Variants in INPP5A observed in about 807,000 individuals in gnomAD.
INPP5A encodes inositol polyphosphate-5-phosphatase A, also known as 43 kDa inositol polyphosphate 5-phophatase.
Under a neutral mutation model 65.2 loss-of-function variants are expected in INPP5A, and 14 were observed. That is an observed-to-expected ratio of 0.21 (90% CI 0.14 to 0.34). The LOEUF (loss-of-function observed/expected upper bound fraction) is 0.34, where lower values mean the gene tolerates loss of function less well. INPP5A is among the 10% of genes least tolerant of loss of function. The probability of loss-of-function intolerance (pLI) is 1.00; values close to 1 mark genes in which losing one functional copy is unlikely to be tolerated. For missense variants in INPP5A, 431 were observed against 545.6 expected (o/e 0.79, Z 2.09); for synonymous variants, 207 against 208.3 (o/e 0.99, Z 0.05).
chr10:132,696,594 A>T (rs1363262624), intron 5 of INPP5A, among the ~76,000 whole-genome samples: 1 of 152,166 alleles, frequency 6.6e-6, no homozygotes, highest in Non-Finnish European at 1.5e-5. Context: ...TGTGATTCCA[A>T]CTCTGTGACA....
intron 4 of INPP5A, among the ~76,000 whole-genome samples, chr10:132,689,191 C>T (rs1284073338): frequency 5.3e-5 from 8 of 152,202 alleles, no homozygotes; most frequent in African/African-American, 1.9e-4. Context: ...GTGCTTTCAG[C>T]TGAGGACAGG....
At chr10:132,713,599 C>T (rs1197410470) in intron 8 of INPP5A, among the ~76,000 whole-genome samples, 7 of 152,142 alleles carry the variant, frequency 4.6e-5, no homozygotes, top group Admixed American at 2.6e-4. Context: ...CCGCCCCTGA[C>T]CTCCGTCTCC....
At chr10:132,571,817 C>A (rs1420770922) in intron 1 of INPP5A, among the ~76,000 whole-genome samples, 1 of 152,214 alleles carries the variant, frequency 6.6e-6, no homozygotes, top group African/African-American at 2.4e-5. Context: ...AGCGAGTGAG[C>A]AGCCAGTGTG....
chr10:132,732,763 G>A (rs1056889872), intron 9 of INPP5A, among the ~76,000 whole-genome samples: 5 of 152,148 alleles, frequency 3.3e-5, no homozygotes, highest in African/African-American at 9.7e-5. Flanking sequence ...GCACCTCCAC[G>A]TGGCCATGTC....
intron 11 of INPP5A, 30 bp downstream of exon 11, chr10:132,749,875 C>G: frequency 6.3e-7 from 1 of 1,596,756 alleles, no homozygotes; most frequent in Non-Finnish European, 8.6e-7. Context: ...TGGCAGCTCC[C>G]CCGTCCTGGG....
At chr10:132,684,601 T>C (rs1412693462) in intron 4 of INPP5A, among the ~76,000 whole-genome samples, 1 of 152,224 alleles carries the variant, frequency 6.6e-6, no homozygotes, top group Non-Finnish European at 1.5e-5. Flanking sequence ...CACTCATTAG[T>C]CACTGTGAGC....
At position 132,650,851 on chromosome 10, in the gene INPP5A, C is replaced by G. The variant is rs1464546566; in HGVS notation, c.306+346C>G. On this transcript the variant is annotated intron_variant, in intron 4 of 15. Transcript: ENST00000368594. The surrounding 1 kb of genome is among the most constrained non-coding windows in gnomAD (Gnocchi z 5.5). ...GGCGTGTAGATGAGAGGTTGGACAGCAGCCGGTATTGCTTCAAGAGCCACC... is the reference window on the plus strand; with the variant it reads ...GGCGTGTAGATGAGAGGTTGGACAGGAGCCGGTATTGCTTCAAGAGCCACC... 6.6e-6 allele frequency among the ~76,000 whole-genome samples: 1 copy of G among 151,878 alleles called. No homozygotes were observed. The highest frequency in any genetic ancestry group is 1.9e-4 in the East Asian group (1 of 5,168).
chr10:132,620,185 C>G (rs1265231771), intron 2 of INPP5A, among the ~76,000 whole-genome samples: 1 of 152,224 alleles, frequency 6.6e-6, no homozygotes, highest in African/African-American at 2.4e-5. Flanking sequence ...CTGCAAAGGT[C>G]TCTGAAATGC....
intron 2 of INPP5A, among the ~76,000 whole-genome samples, chr10:132,642,296 C>T (rs1394748105): frequency 2.0e-5 from 3 of 152,170 alleles, no homozygotes; most frequent in Admixed American, 6.5e-5. Flanking sequence ...GTGCAGTGTC[C>T]GGCGGGCTGG....
chr10:132,643,830 G>A (rs989390165), intron 2 of INPP5A, among the ~76,000 whole-genome samples: 9 of 152,158 alleles, frequency 5.9e-5, no homozygotes, highest in African/African-American at 1.4e-4. Flanking sequence ...CGCCCTGTGA[G>A]TGAGGAGAGT....
chr10:132,680,765 G>A (rs973672668), intron 4 of INPP5A, among the ~76,000 whole-genome samples: 2 of 152,252 alleles, frequency 1.3e-5, no homozygotes, highest in Non-Finnish European at 2.9e-5. Context: ...GCAGCCGGCC[G>A]GCCCTGTGCA....
intron 9 of INPP5A, among the ~76,000 whole-genome samples, chr10:132,735,374 C>T (rs1846158319): frequency 6.6e-6 from 1 of 152,232 alleles, no homozygotes; most frequent in African/African-American, 2.4e-5. Flanking sequence ...AGCCAGAGCG[C>T]ATCAGGAAGC....
chr10:132,604,386 C>G (rs1370173132), intron 1 of INPP5A, among the ~76,000 whole-genome samples: 1 of 152,194 alleles, frequency 6.6e-6, no homozygotes, highest in East Asian at 1.9e-4. Context: ...CTCTCTGACG[C>G]TTGCCCTGCA....
At chr10:132,599,459 G>A (rs2071749543) in intron 1 of INPP5A, among the ~76,000 whole-genome samples, 1 of 152,250 alleles carries the variant, frequency 6.6e-6, no homozygotes, top group Admixed American at 6.5e-5. Context: ...ATCTTGGGCA[G>A]CTCCGCCCCT....
rs185541128 is a variant in INPP5A, at chr10:132,644,053, C to A, written c.118-1815C>A. On this transcript the variant is annotated intron_variant, in intron 2 of 15. Coordinates refer to ENST00000368594, the MANE Select transcript of INPP5A (RefSeq NM_005539.5). The surrounding 1 kb of genome is among the most constrained non-coding windows in gnomAD (Gnocchi z 6.5). ...AACCAGACCACCGGAAACACTCAGACCACCGGCACCAAGGGTTGTCTGTTT... is the reference window on the plus strand; with the variant it reads ...AACCAGACCACCGGAAACACTCAGAACACCGGCACCAAGGGTTGTCTGTTT... Among the ~76,000 whole-genome samples, 1 of 152,194 alleles carries A rather than the reference C, an allele frequency of 6.6e-6. No homozygotes were observed. The highest frequency in any genetic ancestry group is 2.4e-5 in the African/African-American group (1 of 41,448).
At chr10:132,751,477 G>C (rs533667711) in intron 11 of INPP5A, among the ~76,000 whole-genome samples, 2 of 152,250 alleles carry the variant, frequency 1.3e-5, no homozygotes, top group South Asian at 4.1e-4. Context: ...TGTGGCTCCC[G>C]CTGCCCCTCT....
At chr10:132,751,985 G>A (rs1188977450) in intron 11 of INPP5A, among the ~76,000 whole-genome samples, 1 of 148,842 alleles carries the variant, frequency 6.7e-6, no homozygotes, top group South Asian at 2.2e-4. Context: ...ACGTGTCTGG[G>A]TAGAGGCGGG....
chr10:132,550,517 G>C lies in INPP5A; in HGVS notation c.75+12346G>C, dbSNP rs1440548504. The stretch of plus-strand genomic sequence containing the variant: ...AGGAGGGAAGCGACACCCTTGGGCT[G>C]AGCTTTTCCGTGAACCGGCAGCTGT... On this transcript the variant is annotated intron_variant, in intron 1 of 15. Coordinates refer to ENST00000368594, the MANE Select transcript of INPP5A (RefSeq NM_005539.5). The surrounding 1 kb of genome is among the most constrained non-coding windows in gnomAD (Gnocchi z 4.2). 6.6e-6 allele frequency among the ~76,000 whole-genome samples: 1 copy of C among 152,226 alleles called. No individual in the cohort carries two copies. The highest frequency in any genetic ancestry group is 1.5e-5 in the Non-Finnish European group (1 of 68,038).
intron 1 of INPP5A, among the ~76,000 whole-genome samples, chr10:132,567,439 C>T (rs1323208688): frequency 6.6e-6 from 1 of 152,200 alleles, no homozygotes; most frequent in East Asian, 1.9e-4. Flanking sequence ...AGCTGCTGGG[C>T]GCAGCCCCTT....
Sources: gnomAD v4.1 joint callset for allele counts (sites outside exome capture counted in the v4.1 genomes callset) on GRCh38, gnomAD v4.1.1 for gene constraint, Gnocchi (gnomAD v3.1) non-coding constraint, MANE v1.5 for transcripts, NCBI Gene and HGNC (gene_info 2026-07-23, HGNC 2026-07-21) for gene names.